Variants in NLGN1 observed in about 807,000 individuals in gnomAD.
The protein encoded by NLGN1 is neuroligin 1, also known as neuroligin-1.
In NLGN1, 12 loss-of-function variants were observed where a neutral mutation model predicts 65.5. The observed-to-expected ratio is 0.18, with a 90% confidence interval of 0.12 to 0.30. The LOEUF (loss-of-function observed/expected upper bound fraction) is 0.30, where lower values mean the gene tolerates loss of function less well. NLGN1 is among the 10% of genes least tolerant of loss of function. The pLI is 1.00. For synonymous variants in NLGN1, 350 were observed against 359.5 expected, an observed-to-expected ratio of 0.97 and a Z score of 0.30; for missense variants, 750 against 1,007.1, an observed-to-expected ratio of 0.74 and a Z score of 3.46.
At chr3:173,691,068 C>T (rs1481718069) in intron 3 of NLGN1, among the ~76,000 whole-genome samples, 2 of 152,058 alleles carry the variant, frequency 1.3e-5, no homozygotes, top group African/African-American at 2.4e-5. Context: ...AGCTTTGAAG[C>T]TTGTGATTAG....
intron 4 of NLGN1, among the ~76,000 whole-genome samples, chr3:173,981,973 T>C (rs1316642705): frequency 6.6e-6 from 1 of 152,132 alleles, no homozygotes; most frequent in Non-Finnish European, 1.5e-5. Flanking sequence ...TTTATGATTT[T>C]TGAAGTACAC....
At chr3:174,268,386 A>G (rs529341065) in intron 4 of NLGN1, among the ~76,000 whole-genome samples, 19 of 152,292 alleles carry the variant, frequency 1.2e-4, no homozygotes, top group Non-Finnish European at 2.8e-4. Context: ...ATGCAGGCCC[A>G]GAAAACGCTA....
intron 3 of NLGN1, among the ~76,000 whole-genome samples, chr3:173,769,326 C>CTTG (rs1779238233): frequency 6.6e-6 from 1 of 152,198 alleles, no homozygotes; most frequent in Admixed American, 6.5e-5. Context: ...CATCCCTCAT[C>CTTG]TTCCACCATT....
chr3:173,426,545 T>C (rs1716147187), intron 1 of NLGN1, among the ~76,000 whole-genome samples: 2 of 152,180 alleles, frequency 1.3e-5, no homozygotes. Context: ...GAACAGATGC[T>C]ACATTTTATC....
At chr3:174,069,066 G>C (rs1201442274) in intron 4 of NLGN1, among the ~76,000 whole-genome samples, 2 of 152,126 alleles carry the variant, frequency 1.3e-5, no homozygotes, top group Non-Finnish European at 2.9e-5. Flanking sequence ...AAAGGCAGGG[G>C]TCATATTAGA....
At chr3:174,092,619 T>C (rs963089049) in intron 4 of NLGN1, among the ~76,000 whole-genome samples, 1 of 152,076 alleles carries the variant, frequency 6.6e-6, no homozygotes, top group Non-Finnish European at 1.5e-5. Flanking sequence ...AACGTTTCTC[T>C]TATTATTATG....
intron 4 of NLGN1, among the ~76,000 whole-genome samples, chr3:174,197,535 AAAG>A (rs763042899): frequency 7.9e-5 from 12 of 151,294 alleles, no homozygotes; most frequent in Admixed American, 2.0e-4. Flanking sequence ...AAAAAAAAAA[AAAG>A]GAGAATCCAG....
At chr3:173,748,640 A>G (rs16830107) in intron 3 of NLGN1, among the ~76,000 whole-genome samples, 18,584 of 152,124 alleles carry the variant, frequency 0.12, 2,586 homozygotes, top group African/African-American at 0.34. Context: ...ACAAACAAAC[A>G]AAAGGTTTCT....
chr3:173,571,414 C>G (rs1744632116), intron 2 of NLGN1, among the ~76,000 whole-genome samples: 1 of 152,102 alleles, frequency 6.6e-6, no homozygotes. Context: ...ATAAAAGATG[C>G]CCTTGGCATG....
chr3:173,911,081 T>C (rs900692372), intron 4 of NLGN1, among the ~76,000 whole-genome samples: 1 of 152,152 alleles, frequency 6.6e-6, no homozygotes, highest in African/African-American at 2.4e-5. Flanking sequence ...GTGAAAAATC[T>C]CCTAAACTCA....
At chr3:173,552,528 C>G (rs1185049739) in intron 2 of NLGN1, among the ~76,000 whole-genome samples, 1 of 152,090 alleles carries the variant, frequency 6.6e-6, no homozygotes, top group Non-Finnish European at 1.5e-5. Context: ...AGCCACAAAA[C>G]TTGAGGCTTG....
chr3:174,044,797 G>A (rs1170967742), intron 4 of NLGN1, among the ~76,000 whole-genome samples: 2 of 152,098 alleles, frequency 1.3e-5, no homozygotes, highest in Admixed American at 6.5e-5. Context: ...GGACCTGGTG[G>A]GAGGTAATTG....
At chr3:173,910,985 C>T (rs2152222195) in intron 4 of NLGN1, 1 of 152,210 alleles carries the variant, frequency 6.6e-6, no homozygotes, top group African/African-American at 2.4e-5. Flanking sequence ...TTTTCGTGTA[C>T]CTTGCCTGAA....
At chr3:173,965,275 G>C (rs1714577521) in intron 4 of NLGN1, among the ~76,000 whole-genome samples, 1 of 151,898 alleles carries the variant, frequency 6.6e-6, no homozygotes, top group Non-Finnish European at 1.5e-5. Context: ...GCAGGGTTTT[G>C]TTTTGTTTTC....
At chr3:173,585,173 G>C (rs574036171) in intron 2 of NLGN1, 2 of 152,302 alleles carry the variant, frequency 1.3e-5, no homozygotes, top group East Asian at 3.9e-4. Flanking sequence ...CGGGGGGATC[G>C]CTAGGGAGCT....
At chr3:173,695,794 A>C (rs1766127190) in intron 3 of NLGN1, among the ~76,000 whole-genome samples, 1 of 152,168 alleles carries the variant, frequency 6.6e-6, no homozygotes, top group African/African-American at 2.4e-5. Context: ...GTGAAGAATA[A>C]TACTCATATC....
At chr3:173,637,668 A>G (rs556654829) in intron 3 of NLGN1, among the ~76,000 whole-genome samples, 1 of 152,226 alleles carries the variant, frequency 6.6e-6, no homozygotes, top group Admixed American at 6.5e-5. Flanking sequence ...TGTAGGACAG[A>G]TATTTGTTCT....
chr3:173,929,298 A>G (rs550423185), intron 4 of NLGN1, among the ~76,000 whole-genome samples: 1 of 152,306 alleles, frequency 6.6e-6, no homozygotes, highest in African/African-American at 2.4e-5. Flanking sequence ...TCTTCTTGTC[A>G]TCAGGGGCTT....
intron 2 of NLGN1, among the ~76,000 whole-genome samples, chr3:173,547,033 C>G (rs1739978017): frequency 6.6e-6 from 1 of 152,098 alleles, no homozygotes; most frequent in African/African-American, 2.4e-5. Context: ...TCAGAACATT[C>G]CCATGTTTCT....
Sources: gnomAD v4.1 joint callset for allele counts (sites outside exome capture counted in the v4.1 genomes callset) on GRCh38, gnomAD v4.1.1 for gene constraint, MANE v1.5 for transcripts, NCBI Gene and HGNC (gene_info 2026-07-23, HGNC 2026-07-21) for gene names.